The following OSBP2 variants were observed in gnomAD, a reference collection of about 807,000 sequenced individuals.
OSBP2 encodes the protein oxysterol-binding protein 2.
OSBP2 carries 66 observed loss-of-function variants against 96.0 expected under a neutral mutation model. That is an observed-to-expected ratio of 0.69 (90% CI 0.56 to 0.84). OSBP2 has a LOEUF of 0.84. Among genes scored for constraint, OSBP2 ranks in the 40% least tolerant of loss-of-function variants. The probability of loss-of-function intolerance (pLI) is 0.00; values close to 1 mark genes in which losing one functional copy is unlikely to be tolerated. For missense variants in OSBP2, 1,038 were observed against 1,222.7 expected (o/e 0.85, Z 2.25); for synonymous variants, 525 against 520.9 (o/e 1.01, Z -0.11).
intron 2 of OSBP2, among the ~76,000 whole-genome samples, chr22:30,828,384 G>C (rs574007991): frequency 2.6e-5 from 4 of 152,320 alleles, no homozygotes; most frequent in East Asian, 1.9e-4. Flanking sequence ...GCAGAGCCCA[G>C]CTCACCTCAT....
At chr22:30,738,204 A>G (rs979895219) in intron 1 of OSBP2, among the ~76,000 whole-genome samples, 18 of 151,752 alleles carry the variant, frequency 1.2e-4, no homozygotes, top group Non-Finnish European at 2.1e-4. Context: ...ATTTCTTGGA[A>G]GCTGAGAACT....
intron 1 of OSBP2, among the ~76,000 whole-genome samples, chr22:30,728,566 AG>A (rs1173629470): frequency 2.0e-5 from 3 of 152,056 alleles, no homozygotes; most frequent in Non-Finnish European, 2.9e-5. Flanking sequence ...GTACAATCAT[AG>A]CTTACTGTAG....
chr22:30,814,174 C>A (rs1007763652), intron 2 of OSBP2, among the ~76,000 whole-genome samples: 7 of 152,084 alleles, frequency 4.6e-5, no homozygotes, highest in African/African-American at 1.4e-4. Context: ...TCAGCCTGGG[C>A]TGTCATCACA....
chr22:30,802,350 G>A (rs1204163984), intron 2 of OSBP2, among the ~76,000 whole-genome samples: 1 of 152,242 alleles, frequency 6.6e-6, no homozygotes, highest in Non-Finnish European at 1.5e-5. Flanking sequence ...TGGATTCCAA[G>A]TGGGGATGGG....
Position 30,840,318 on chromosome 22 carries a change from AAAAAGG to A in OSBP2, c.854-30106_854-30101del, listed in dbSNP as rs1382536366. Reference sequence around the variant, plus strand: ...AAATAAACCTGTTAAAAAAAAAAAGAAAAAGGAAAAAAAAAAAGAAAGCTGAAACTG... The same window carrying A: ...AAATAAACCTGTTAAAAAAAAAAAGAAAAAAAAAAAAGAAAGCTGAAACTG... On this transcript the variant is annotated intron_variant, in intron 2 of 13. Transcript: ENST00000332585. Among the ~76,000 whole-genome samples the A allele has an allele frequency of 3.1e-3, 467 of 149,574 alleles. 3 individuals are homozygous for A. The highest frequency in any genetic ancestry group is 0.011 in the African/African-American group (451 of 40,550).
chr22:30,768,073 A>G (rs1306144105), intron 2 of OSBP2, among the ~76,000 whole-genome samples: 3 of 152,226 alleles, frequency 2.0e-5, no homozygotes, highest in East Asian at 3.9e-4. Flanking sequence ...AGAGACCTGT[A>G]TAAATCAGTG....
chr22:30,695,244 C>G lies in OSBP2; in HGVS notation c.335C>G (p.Ser112Ter). The G allele has an allele frequency of 6.2e-7, 1 of 1,613,588 alleles. No homozygotes were observed. Among genetic ancestry groups the G allele is most frequent in the Non-Finnish European group, 8.5e-7 (1 of 1,179,954 alleles). Residue 112 changes from serine to a stop codon, truncating the protein, a stop_gained, in exon 1 of 14, where the codon TCA (serine) becomes TGA (stop). Transcript: ENST00000332585. LOFTEE classifies it high-confidence loss of function. ...TCGCGGCCGGGGTCAGAGTCAAGCTCAGGTGTAGGGGCTGGGCCCTTCACT... is the reference window on the plus strand; with the variant it reads ...TCGCGGCCGGGGTCAGAGTCAAGCTGAGGTGTAGGGGCTGGGCCCTTCACT... ...QGSRPGSESS[S>*]GVGAGPFTKA...
chr22:30,826,486 T>C (rs1272331347), intron 2 of OSBP2, among the ~76,000 whole-genome samples: 1 of 152,184 alleles, frequency 6.6e-6, no homozygotes, highest in African/African-American at 2.4e-5. Flanking sequence ...ATGCCCATTC[T>C]AGTTCATCCT....
At chr22:30,735,131 G>T (rs2089830179) in intron 1 of OSBP2, among the ~76,000 whole-genome samples, 1 of 152,186 alleles carries the variant, frequency 6.6e-6, no homozygotes, top group Non-Finnish European at 1.5e-5. Context: ...GTTCAAGGCT[G>T]CAGTGAGCTA....
intron 2 of OSBP2, among the ~76,000 whole-genome samples, chr22:30,802,885 C>CGGCT (rs1267138861): frequency 6.6e-6 from 1 of 152,004 alleles, no homozygotes; most frequent in Non-Finnish European, 1.5e-5. Context: ...AGCGGGCGCA[C>CGGCT]GGCTCCTCTA....
intron 3 of OSBP2, among the ~76,000 whole-genome samples, chr22:30,885,015 C>A (rs1487958950): frequency 6.6e-6 from 1 of 152,164 alleles, no homozygotes; most frequent in Non-Finnish European, 1.5e-5. Context: ...GCCTGGGCAC[C>A]AGGTGCCAGG....
rs530729637 is a variant in OSBP2 at position 30,870,269 on chromosome 22, C to A, written c.854-160C>A. Among the ~76,000 whole-genome samples, 2 of 152,158 alleles carry A rather than the reference C, an allele frequency of 1.3e-5. No individual in the cohort carries two copies. The highest frequency in any genetic ancestry group is 4.8e-5 in the African/African-American group (2 of 41,450). On this transcript the variant is annotated intron_variant, in intron 2 of 13. Transcript: ENST00000332585. This position sits in a 1 kb window ranked among gnomAD's most constrained non-coding sequence, Gnocchi z 4.1. ...CTGGGAAGGCTGGGCCAGGATGGGG[C>A]AGGCACCTCACCCCGGCCAGGAACA...
At chr22:30,791,467 C>T (rs2090674683) in intron 2 of OSBP2, among the ~76,000 whole-genome samples, 1 of 151,386 alleles carries the variant, frequency 6.6e-6, no homozygotes, top group South Asian at 2.1e-4. Context: ...GCTGGGATTA[C>T]AGGCGTGTGC....
At chr22:30,887,116 A>C (rs796756815) in intron 3 of OSBP2, among the ~76,000 whole-genome samples, 25 of 152,264 alleles carry the variant, frequency 1.6e-4, no homozygotes, top group African/African-American at 6.0e-4. Context: ...GGCATCTGTG[A>C]ACTGTGGCGC....
At chr22:30,819,346 T>G (rs1396271843) in intron 2 of OSBP2, among the ~76,000 whole-genome samples, 2 of 152,128 alleles carry the variant, frequency 1.3e-5, no homozygotes, top group African/African-American at 2.4e-5. Flanking sequence ...ACACCCATGA[T>G]GCATGAGTAT....
At chr22:30,805,527 G>A (rs2090917296) in intron 2 of OSBP2, among the ~76,000 whole-genome samples, 1 of 152,200 alleles carries the variant, frequency 6.6e-6, no homozygotes, top group African/African-American at 2.4e-5. Flanking sequence ...TCTGTAAAAC[G>A]GAGAAAATAA....
At chr22:30,804,996 G>A (rs985301482) in intron 2 of OSBP2, among the ~76,000 whole-genome samples, 2 of 152,186 alleles carry the variant, frequency 1.3e-5, no homozygotes, top group African/African-American at 4.8e-5. Context: ...TTTTCCACTG[G>A]TTGAGATTGA....
intron 1 of OSBP2, among the ~76,000 whole-genome samples, chr22:30,730,733 T>C (rs541047857): frequency 0.015 from 398 of 26,390 alleles, 1 homozygote; most frequent in Admixed American, 0.065. Context: ...TCTCTCTCTC[T>C]CTCTCTCTCT....
intron 1 of OSBP2, among the ~76,000 whole-genome samples, chr22:30,719,764 G>GAA (rs979073829): frequency 2.3e-4 from 29 of 127,526 alleles, no homozygotes; most frequent in Middle Eastern, 4.4e-3. Flanking sequence ...AAAAAAAAAA[G>GAA]AAAAAAAAAA....
Sources: gnomAD v4.1 joint callset for allele counts (sites outside exome capture counted in the v4.1 genomes callset) on GRCh38, gnomAD v4.1.1 for gene constraint, Gnocchi (gnomAD v3.1) non-coding constraint, MANE v1.5 for transcripts, NCBI Gene and HGNC (gene_info 2026-07-23, HGNC 2026-07-21) for gene names.